USP14: variants seen among roughly 807,000 people sequenced by gnomAD.
USP14 encodes the protein ubiquitin carboxyl-terminal hydrolase 14.
In USP14, 38 loss-of-function variants were observed where a neutral mutation model predicts 76.5. The observed-to-expected ratio is 0.50, with a 90% CI of 0.38 to 0.65. USP14 has a LOEUF of 0.65. Among genes scored for constraint, USP14 ranks in the 30% least tolerant of loss-of-function variants. The probability of loss-of-function intolerance (pLI) is 0.00; values close to 1 mark genes in which losing one functional copy is unlikely to be tolerated. For synonymous variants in USP14, 192 were observed against 191.7 expected (o/e 1.00, Z -0.01); for missense variants, 467 against 586.5 (o/e 0.80, Z 2.10).
chr18:158,935 G>C (rs957385383), intron 1 of USP14: 18 of 567,392 alleles, frequency 3.2e-5, no homozygotes, highest in African/African-American at 7.9e-5. Context: ...ACCGATGGGT[G>C]GGGGGAGTGG....
chr18:201,548 A>G (rs182920641), intron 10 of USP14, among the ~76,000 whole-genome samples: 3 of 152,350 alleles, frequency 2.0e-5, no homozygotes, highest in Admixed American at 1.3e-4. Flanking sequence ...GTTTTGAGCC[A>G]GTGTGGATAT....
chr18:203,248 C>T, intron 12 of USP14, 58 bp downstream of exon 12: 1 of 1,444,322 alleles, frequency 6.9e-7, no homozygotes, highest in Non-Finnish European at 9.6e-7. Context: ...TAATTGCTAA[C>T]TCACAATTGC....
intron 10 of USP14, among the ~76,000 whole-genome samples, chr18:202,644 C>A (rs993298090): frequency 6.6e-6 from 1 of 152,122 alleles, no homozygotes; most frequent in Non-Finnish European, 1.5e-5. Context: ...ACAGTATTTA[C>A]ACTCGGAGGA....
At position 203,121 on chromosome 18, in the gene USP14, T is replaced by C. The variant is rs1357325503; in HGVS notation, c.966T>C (p.Ala322=). The C allele has an allele frequency of 1.2e-6, 2 of 1,614,142 alleles. No individual in the cohort carries two copies. The highest frequency in any genetic ancestry group is 1.7e-6 in the Non-Finnish European group (2 of 1,180,002). The change falls in exon 12 of 16, where the codon GCT becomes GCC. Residue 322 remains alanine, a synonymous_variant. Coordinates refer to ENST00000261601, the MANE Select transcript of USP14 (RefSeq NM_005151.4). The part of the protein sequence containing the change: ...IKSSKISRLP[A]YLTIQMVRFF... ...AGTCCAAGATCAGCCGGCTGCCTGC[T>C]TACTTGACCATTCAGATGGTTCGAT...
chr18:210,381 T>A lies in USP14; in HGVS notation c.1226-5T>A. Reference sequence around the variant, plus strand: ...TAATATTAATGGATTTACATCTTTCTTTAGATATTGGCTCCAATAATTGTG... The same window carrying A: ...TAATATTAATGGATTTACATCTTTCATTAGATATTGGCTCCAATAATTGTG... On this transcript the variant is annotated splice_region_variant and splice_polypyrimidine_tract_variant and intron_variant, in intron 14 of 15. Coordinates refer to ENST00000261601, the MANE Select transcript of USP14 (RefSeq NM_005151.4). The A allele has an allele frequency of 6.3e-7, 1 of 1,583,732 alleles. No homozygotes were observed. Among genetic ancestry groups the A allele is most frequent in the Non-Finnish European group, 8.6e-7 (1 of 1,161,922 alleles).
intron 3 of USP14, among the ~76,000 whole-genome samples, chr18:168,434 C>A (rs1470336813): frequency 3.3e-5 from 5 of 151,942 alleles, no homozygotes; most frequent in Non-Finnish European, 7.4e-5. Flanking sequence ...AATTGATAAG[C>A]AAATGACTTC....
chr18:201,512 C>G (rs1035989687), intron 10 of USP14, among the ~76,000 whole-genome samples: 3 of 152,192 alleles, frequency 2.0e-5, no homozygotes, highest in Non-Finnish European at 4.4e-5. Context: ...GTGAGTCACG[C>G]TCTGTCTTAT....
At position 197,177 on chromosome 18, in the gene USP14, CTTG is replaced by C. The variant is rs560224883; in HGVS notation, c.594+413_594+415del. 1.8e-4 allele frequency among the ~76,000 whole-genome samples: 28 copies of C among 152,340 alleles called. No homozygotes were observed. The East Asian group carries it at 5.4e-3, about 29-fold the overall frequency. On this transcript the variant is annotated intron_variant, in intron 7 of 15. Coordinates refer to ENST00000261601, the MANE Select transcript of USP14 (RefSeq NM_005151.4). ...GCCCTCTTCCTGCAGGGCCTTTGCT[CTTG>C]TTCTTTGGCTGTCAGATAAGTGCAA...
chr18:184,801 G>A (rs958536903), intron 5 of USP14, among the ~76,000 whole-genome samples: 1 of 151,960 alleles, frequency 6.6e-6, no homozygotes, highest in African/African-American at 2.4e-5. Context: ...AGAGTGGGAT[G>A]TATAATGATG....
At chr18:191,255 T>C (rs796313751) in intron 5 of USP14, among the ~76,000 whole-genome samples, 31 of 152,286 alleles carry the variant, frequency 2.0e-4, no homozygotes, top group African/African-American at 7.0e-4. Context: ...AATTATTGTG[T>C]ATTGAAAAAT....
intron 9 of USP14, among the ~76,000 whole-genome samples, chr18:198,368 G>A (rs1352077047): frequency 2.0e-5 from 3 of 152,112 alleles, no homozygotes; most frequent in Non-Finnish European, 4.4e-5. Flanking sequence ...CCAAGTAGCT[G>A]GGATTACAGG....
In USP14 at chr18:158,675, C is replaced by T. The variant is rs1379024455; in HGVS notation, c.-24C>T. ...CTCGTCAGGCCCAGCTCTCCTGCGC[C>T]GCCGCCTCCCGCCGCGCCCCGCCAT... On this transcript the variant is annotated 5_prime_UTR_variant, in exon 1 of 16. Transcript: ENST00000261601. 3 of 1,518,662 alleles carry T rather than the reference C, an allele frequency of 2.0e-6. 1 individual carries two copies. The highest frequency in any genetic ancestry group is 3.4e-4 in the Middle Eastern group (2 of 5,822). The allele number at this position is 1,518,662 out of a possible 1,614,324, so 94.1% of individuals were successfully genotyped here.
At chr18:198,800 T>C (rs1047015505) in intron 9 of USP14, among the ~76,000 whole-genome samples, 1 of 152,110 alleles carries the variant, frequency 6.6e-6, no homozygotes, top group African/African-American at 2.4e-5. Context: ...TTTAATTTTA[T>C]AAAAGGGTGT....
At chr18:166,930 C>T (rs1222536910) in intron 3 of USP14, 111 bp downstream of exon 3, 4 of 916,092 alleles carry the variant, frequency 4.4e-6, no homozygotes, top group Non-Finnish European at 6.6e-6. Context: ...CCAGCACTAT[C>T]TGTTGAAAAT....
intron 12 of USP14, 135 bp downstream of exon 12, chr18:203,325 G>A: frequency 1.3e-6 from 1 of 784,286 alleles, no homozygotes; most frequent in South Asian, 1.9e-5. Context: ...TATTAGACAA[G>A]TGATTCTTAA....
At chr18:197,044 G>A (rs549412337) in intron 7 of USP14, among the ~76,000 whole-genome samples, 72 of 152,234 alleles carry the variant, frequency 4.7e-4, no homozygotes, top group Non-Finnish European at 9.3e-4. Flanking sequence ...ATTTTCTACC[G>A]CAGTCCTAAA....
intron 3 of USP14, among the ~76,000 whole-genome samples, chr18:172,663 AC>A (rs1296691020): frequency 6.6e-6 from 1 of 151,568 alleles, no homozygotes; most frequent in African/African-American, 2.4e-5. Flanking sequence ...TGGAAACAAG[AC>A]CCCCCACCTG....
rs776380279 is a variant in USP14 at position 202,496 on chromosome 18, G to A, written c.877-384G>A. On this transcript the variant is annotated intron_variant, in intron 10 of 15. Transcript: ENST00000261601. Reference sequence around the variant, plus strand: ...TTTATGCATAAAACGTAAAGAACAGGAGTTTCTTGGGCTCTCTTAATTTTC... The same window carrying A: ...TTTATGCATAAAACGTAAAGAACAGAAGTTTCTTGGGCTCTCTTAATTTTC... Among the ~76,000 whole-genome samples, 85 of 152,136 alleles carry A rather than the reference G, an allele frequency of 5.6e-4. 2 individuals carry two copies. The highest frequency in any genetic ancestry group is 8.8e-5 in the Non-Finnish European group (6 of 68,036).
chr18:208,077 A>G (rs183533142), intron 13 of USP14, among the ~76,000 whole-genome samples: 57 of 151,656 alleles, frequency 3.8e-4, no homozygotes, highest in African/African-American at 1.4e-3. Flanking sequence ...CAGGAGTTTT[A>G]TTTGTTTATT....
Sources: gnomAD v4.1 joint callset for allele counts (sites outside exome capture counted in the v4.1 genomes callset) on GRCh38, gnomAD v4.1.1 for gene constraint, MANE v1.5 for transcripts, NCBI Gene and HGNC (gene_info 2026-07-23, HGNC 2026-07-21) for gene names.